Variants in ARFGEF1 observed in about 807,000 individuals in gnomAD.
ARFGEF1 encodes ARF guanine nucleotide exchange factor 1.
A neutral mutation model predicts 231.0 loss-of-function variants in ARFGEF1; 42 were observed. The observed-to-expected ratio is 0.18, with a 90% CI of 0.14 to 0.24. ARFGEF1 has a LOEUF of 0.24. ARFGEF1 is among the 10% of genes least tolerant of loss of function. The pLI, the probability that ARFGEF1 is intolerant of heterozygous loss-of-function variation, is 1.00. For missense variants in ARFGEF1, 1,345 were observed against 2,192.0 expected (o/e 0.61, Z 7.72); for synonymous variants, 710 against 732.3 (o/e 0.97, Z 0.49).
At chr8:67,251,157 AATAAC>A in intron 19 of ARFGEF1, 137 bp downstream of exon 19, 1 of 768,732 alleles carries the variant, frequency 1.3e-6, no homozygotes, top group Non-Finnish European at 1.8e-6. Flanking sequence ...CTATGTCCTA[AATAAC>A]ATGTTATATG....
chr8:67,276,598 G>T (rs1274402863), intron 8 of ARFGEF1, among the ~76,000 whole-genome samples: 1 of 152,094 alleles, frequency 6.6e-6, no homozygotes, highest in Admixed American at 6.6e-5. Context: ...TAAAAAGGCA[G>T]ATCTTTTACA....
At chr8:67,238,085 T>G (rs760463824) in intron 22 of ARFGEF1, among the ~76,000 whole-genome samples, 2 of 152,144 alleles carry the variant, frequency 1.3e-5, no homozygotes, top group Non-Finnish European at 2.9e-5. Flanking sequence ...TGCTTATTTT[T>G]AAAAGCAAGT....
chr8:67,329,327 C>T (rs1807988055), intron 1 of ARFGEF1, among the ~76,000 whole-genome samples: 1 of 148,840 alleles, frequency 6.7e-6, no homozygotes, highest in South Asian at 2.1e-4. Context: ...CTGAGGCAGG[C>T]GACCATCCTG....
At chr8:67,328,137 G>C (rs910618591) in intron 1 of ARFGEF1, among the ~76,000 whole-genome samples, 1 of 152,134 alleles carries the variant, frequency 6.6e-6, no homozygotes, top group Non-Finnish European at 1.5e-5. Context: ...AGATATAAAA[G>C]AGAATGCCTA....
At chr8:67,298,170 A>C (rs1806321722) in intron 4 of ARFGEF1, among the ~76,000 whole-genome samples, 1 of 152,026 alleles carries the variant, frequency 6.6e-6, no homozygotes, top group Non-Finnish European at 1.5e-5. Context: ...TAAAACTGAA[A>C]GGCTCCAAAA....
In ARFGEF1 at chr8:67,226,091, G is replaced by A; in HGVS notation, c.4009C>T (p.Pro1337Ser). 1.2e-6 allele frequency: 2 copies of A among 1,613,178 alleles called. No homozygotes were observed. The highest frequency in any genetic ancestry group is 1.7e-6 in the Non-Finnish European group (2 of 1,179,496). Residue 1337 changes from proline (P) to serine (S), a missense_variant, in exon 28 of 39, where the codon CCA (proline) becomes TCA (serine). Pro to Ser is a moderately conservative substitution (Grantham distance 74, BLOSUM62 -1). This residue lies in a region of ARFGEF1 where 142 missense variants were observed against 227.3 expected (regional missense o/e 0.62). Transcript: ENST00000262215. ...CGAATTGCTTCCATACTTGTGTCTGGGAAAGCTGCATTGCACGCAAATTCA... is the reference window on the plus strand; with the variant it reads ...CGAATTGCTTCCATACTTGTGTCTGAGAAAGCTGCATTGCACGCAAATTCA... ...LSEFACNAAF[P>S]DTSMEAIRLI...
intron 1 of ARFGEF1, among the ~76,000 whole-genome samples, chr8:67,332,013 G>A (rs1043502596): frequency 2.0e-5 from 3 of 151,998 alleles, no homozygotes; most frequent in Non-Finnish European, 2.9e-5. Flanking sequence ...AAAAAAATCT[G>A]TGCAGCAAAA....
At chr8:67,189,426 G>A (rs1256122154) in intron 5 of ARFGEF1, among the ~76,000 whole-genome samples, 1 of 152,142 alleles carries the variant, frequency 6.6e-6, no homozygotes, top group Admixed American at 6.5e-5. Context: ...ATATTTTTCA[G>A]CACTAAAACA....
chr8:67,204,646 C>T, intron 35 of ARFGEF1, 34 bp downstream of exon 35: 2 of 1,590,514 alleles, frequency 1.3e-6, no homozygotes, highest in Admixed American at 1.8e-5. Context: ...TTCCTACTTA[C>T]ACAAAAAAAG....
intron 34 of ARFGEF1, 63 bp from the exon 35 acceptor site, chr8:67,204,882 T>C: frequency 2.5e-6 from 4 of 1,577,216 alleles, no homozygotes; most frequent in Non-Finnish European, 3.5e-6. Context: ...CTTTATAATT[T>C]CCATGATATT....
chr8:67,246,018 A>G (rs985972017), intron 19 of ARFGEF1, among the ~76,000 whole-genome samples: 4 of 150,608 alleles, frequency 2.7e-5, no homozygotes, highest in Non-Finnish European at 5.9e-5. Context: ...GCAATGATAA[A>G]GAGGTCAATT....
At chr8:67,306,463 T>A (rs1432364364) in intron 1 of ARFGEF1, among the ~76,000 whole-genome samples, 2 of 152,220 alleles carry the variant, frequency 1.3e-5, no homozygotes, top group African/African-American at 2.4e-5. Flanking sequence ...ACTTTTTTTT[T>A]AAACTGAGTA....
Position 67,327,522 on chromosome 8 carries a change from G to A in ARFGEF1, c.124+15642C>T, listed in dbSNP as rs185628200. On this transcript the variant is annotated intron_variant, in intron 1 of 38. Transcript: ENST00000262215. ...TTTACTATAGATGGGGTTTCACCAC[G>A]TTGGCCAGGCTGGTCTCAAACTCCT... Among the ~76,000 whole-genome samples the A allele has an allele frequency of 1.2e-3, 184 of 152,154 alleles. 1 individual carries two copies. Among genetic ancestry groups the A allele is most frequent in the Non-Finnish European group, 2.1e-3 (144 of 67,998 alleles).
At chr8:67,331,404 A>C (rs1354740153) in intron 1 of ARFGEF1, among the ~76,000 whole-genome samples, 2 of 152,122 alleles carry the variant, frequency 1.3e-5, no homozygotes, top group Non-Finnish European at 2.9e-5. Context: ...TGCCCTTATA[A>C]AAGAGGTGTA....
chr8:67,244,369 T>G (rs1840040339), intron 19 of ARFGEF1, among the ~76,000 whole-genome samples: 2 of 133,582 alleles, frequency 1.5e-5, no homozygotes, highest in Non-Finnish European at 3.1e-5. Flanking sequence ...TGGAGTGAAG[T>G]GACATCACAG....
chr8:67,273,221 A>T (rs898217066), intron 9 of ARFGEF1, among the ~76,000 whole-genome samples: 31 of 152,240 alleles, frequency 2.0e-4, no homozygotes, highest in African/African-American at 6.7e-4. Flanking sequence ...TAAAATTTTT[A>T]AATTTTTTCC....
rs771585269 is a variant in ARFGEF1, at chr8:67,240,144, G to C, written c.2979+18C>G. 6 of 1,605,446 alleles carry C rather than the reference G, an allele frequency of 3.7e-6. No individual in the cohort carries two copies. The highest frequency in any genetic ancestry group is 4.2e-6 in the Non-Finnish European group (5 of 1,177,906). On this transcript the variant is annotated intron_variant, in intron 20 of 38. Coordinates refer to ENST00000262215, the MANE Select transcript of ARFGEF1 (RefSeq NM_006421.5). ...ATTAATGTTCCAAACTGGCTACAAA[G>C]ACAAAATTCTCTGTTACCTGAATGC...
At chr8:67,288,177 C>T in intron 6 of ARFGEF1, 112 bp from the exon 7 acceptor site, 1 of 551,922 alleles carries the variant, frequency 1.8e-6, no homozygotes, top group Non-Finnish European at 3.0e-6. Context: ...GAAAAAAAAT[C>T]AAATAGATAA....
chr8:67,251,126 G>A (rs1840269933), intron 19 of ARFGEF1, among the ~76,000 whole-genome samples, 173 bp downstream of exon 19: 1 of 152,038 alleles, frequency 6.6e-6, no homozygotes, highest in Admixed American at 6.6e-5. Context: ...TTCTCTTTAA[G>A]TAATAGAAAA....
Sources: allele counts gnomAD v4.1 joint callset (sites outside exome capture counted in the v4.1 genomes callset), GRCh38; gene constraint gnomAD v4.1.1; regional missense constraint gnomAD v4.1.1; transcripts MANE v1.5; gene names NCBI Gene and HGNC (gene_info 2026-07-23, HGNC 2026-07-21).